SYNE1: variants seen among roughly 807,000 people sequenced by gnomAD.
The protein encoded by SYNE1 is spectrin repeat containing nuclear envelope protein 1.
In SYNE1, 616 loss-of-function variants were observed where a neutral mutation model predicts 1,111.0. The ratio of observed to expected loss-of-function variants is 0.55; its 90% CI spans 0.52 to 0.59. The LOEUF (loss-of-function observed/expected upper bound fraction) is 0.59, where lower values mean the gene tolerates loss of function less well. Ranked by LOEUF, SYNE1 falls within the 20% of genes least tolerant of loss-of-function variation. SYNE1 has a pLI of 0.00. For missense variants in SYNE1, 10,006 were observed against 10,417.0 expected (o/e 0.96, Z 1.72); for synonymous variants, 3,855 against 3,825.8 (o/e 1.01, Z -0.28).
At chr6:152,571,852 C>G in intron 3 of SYNE1, among the ~76,000 whole-genome samples, 1 of 152,164 alleles carries the variant, frequency 6.6e-6, no homozygotes, top group Non-Finnish European at 1.5e-5. Flanking sequence ...TAATCATTTT[C>G]TACTTACTTG....
intron 8 of SYNE1, among the ~76,000 whole-genome samples, chr6:152,506,400 T>C (rs528796537): frequency 1.3e-5 from 2 of 152,300 alleles, no homozygotes; most frequent in Admixed American, 1.3e-4. Flanking sequence ...TCATTAACCT[T>C]AGAGATGTCT....
intron 98 of SYNE1, 82 bp from the exon 99 acceptor site, chr6:152,269,368 G>A: frequency 1.2e-6 from 2 of 1,601,446 alleles, no homozygotes; most frequent in Non-Finnish European, 1.7e-6. Context: ...ACTTTGGTGT[G>A]ATCTATGTAA....
At chr6:152,392,148 C>T (rs962145617) in intron 51 of SYNE1, among the ~76,000 whole-genome samples, 38 of 152,126 alleles carry the variant, frequency 2.5e-4, no homozygotes, top group Non-Finnish European at 5.9e-5. Flanking sequence ...CTTGCTCTAT[C>T]GCCATGTATG....
chr6:152,148,444 T>TGGTAGGCAGGTG lies in SYNE1; in HGVS notation c.24643-67_24643-66insCACCTGCCTACC. The TGGTAGGCAGGTG allele has an allele frequency of 6.8e-7, 1 of 1,480,100 alleles. No homozygotes were observed. The highest frequency in any genetic ancestry group is 1.2e-5 in the South Asian group (1 of 84,862). 91.7% of individuals were successfully genotyped at this position (1,480,100 alleles called of 1,614,324 possible). A position where few individuals can be genotyped will look rare whatever the true frequency, so the allele number is the denominator to read the frequency against. On this transcript the variant is annotated intron_variant, in intron 136 of 145. Transcript: ENST00000367255. The surrounding 1 kb of genome is among the most constrained non-coding windows in gnomAD (Gnocchi z 4.1). ...AGACTAGCTTCTTATCTGGGCCACC[T>TGGTAGGCAGGTG]GCCTACCATGTGGGGACAATTTTTA...
intron 106 of SYNE1, among the ~76,000 whole-genome samples, chr6:152,243,255 A>C (rs1053454369): frequency 6.6e-6 from 1 of 152,210 alleles, no homozygotes; most frequent in Non-Finnish European, 1.5e-5. Context: ...TATCCTTAAC[A>C]TTTTCCTGCT....
intron 128 of SYNE1, 82 bp from the exon 129 acceptor site, chr6:152,180,376 G>T: frequency 7.5e-7 from 1 of 1,330,418 alleles, no homozygotes; most frequent in South Asian, 1.2e-5. Flanking sequence ...AAATAAACTA[G>T]GACTAAAATG....
At chr6:152,188,775 G>A (rs955264105) in intron 128 of SYNE1, among the ~76,000 whole-genome samples, 27 of 151,064 alleles carry the variant, frequency 1.8e-4, no homozygotes, top group African/African-American at 4.1e-4. Context: ...TGGCTAACAC[G>A]GTGAAACCCC....
chr6:152,164,028 C>T, intron 131 of SYNE1, 135 bp downstream of exon 131: 2 of 1,216,574 alleles, frequency 1.6e-6, no homozygotes, highest in Non-Finnish European at 2.4e-6. Context: ...AGGCAAAGCC[C>T]CCTTCCTCAC....
At chr6:152,456,711 GCAGTAGA>G in intron 22 of SYNE1, 1 of 449,862 alleles carries the variant, frequency 2.2e-6, no homozygotes, top group South Asian at 1.6e-5. Flanking sequence ...TGTGATTTTG[GCAGTAGA>G]CAGCATGGAA....
chr6:152,369,203 A>G, intron 60 of SYNE1, 76 bp from the exon 61 acceptor site: 1 of 1,576,356 alleles, frequency 6.3e-7, no homozygotes, highest in Non-Finnish European at 8.6e-7. Flanking sequence ...CCCAGAGAAC[A>G]TGGAAATCAA....
intron 29 of SYNE1, among the ~76,000 whole-genome samples, chr6:152,447,078 A>G (rs2098599110): frequency 6.6e-6 from 1 of 152,170 alleles, no homozygotes; most frequent in African/African-American, 2.4e-5. Flanking sequence ...AAGGTTACCT[A>G]GGAGGTAGGG....
intron 107 of SYNE1, among the ~76,000 whole-genome samples, chr6:152,240,602 G>A (rs9322364): frequency 0.67 from 101,746 of 152,112 alleles, 34,646 homozygotes; most frequent in East Asian, 0.88. Context: ...AAATGGAAGA[G>A]CTGGCAACTG....
intron 46 of SYNE1, among the ~76,000 whole-genome samples, chr6:152,402,958 C>A (rs996295085): frequency 1.3e-5 from 2 of 152,282 alleles, no homozygotes; most frequent in East Asian, 3.9e-4. Context: ...TGTCTTCTTA[C>A]TTCACACGAA....
chr6:152,159,417 G>T (rs964811366), intron 131 of SYNE1, among the ~76,000 whole-genome samples: 1 of 152,162 alleles, frequency 6.6e-6, no homozygotes, highest in African/African-American at 2.4e-5. Flanking sequence ...TTAACCACTG[G>T]TGTACAGGAC....
intron 130 of SYNE1, among the ~76,000 whole-genome samples, chr6:152,170,600 C>T (rs1034615165): frequency 3.9e-5 from 6 of 152,160 alleles, no homozygotes; most frequent in African/African-American, 1.2e-4. Context: ...TAATACCAGC[C>T]GTGAATTCCA....
chr6:152,421,671 T>TTTCA (rs2098262266), intron 39 of SYNE1, among the ~76,000 whole-genome samples: 1 of 145,336 alleles, frequency 6.9e-6, no homozygotes, highest in South Asian at 2.2e-4. Context: ...ATTTTCCTTA[T>TTTCA]TTTATTTATT....
intron 39 of SYNE1, among the ~76,000 whole-genome samples, chr6:152,420,843 T>C (rs908401986): frequency 9.2e-5 from 14 of 152,196 alleles, no homozygotes; most frequent in African/African-American, 3.4e-4. Context: ...TACAACAAAT[T>C]GGGCAAACTA....
chr6:152,508,215 T>G (rs559081873), intron 8 of SYNE1, among the ~76,000 whole-genome samples: 1 of 152,366 alleles, frequency 6.6e-6, no homozygotes, highest in East Asian at 1.9e-4. Context: ...AATCATGTGT[T>G]CATTACAGAA....
Position 152,145,447 on chromosome 6 carries a change from A to G in SYNE1, c.24977-1682T>C, listed in dbSNP as rs2813487. 0.34 allele frequency: 534,472 copies of G among 1,581,206 alleles called. 93,030 individuals carry two copies. The highest frequency in any genetic ancestry group is 0.5 in the Admixed American group (29,700 of 59,722). ...TGCTAAGAGAGGAGGATTGCTATAC[A>G]GGGGAGGGAGGGAGGCTGGCTCCGG... On this transcript the variant is annotated intron_variant, in intron 137 of 145. Transcript: ENST00000367255.
Sources: gnomAD v4.1 joint callset for allele counts (sites outside exome capture counted in the v4.1 genomes callset) on GRCh38, gnomAD v4.1.1 for gene constraint, Gnocchi (gnomAD v3.1) non-coding constraint, MANE v1.5 for transcripts, NCBI Gene and HGNC (gene_info 2026-07-23, HGNC 2026-07-21) for gene names.